The following BICC1 variants were observed in gnomAD, a reference collection of about 807,000 sequenced individuals.
BICC1 encodes BicC family RNA binding protein 1, also known as protein bicaudal C homolog 1.
A neutral mutation model predicts 111.0 loss-of-function variants in BICC1; 43 were observed. The observed-to-expected ratio is 0.39, with a 90% CI of 0.30 to 0.50. The LOEUF is 0.50. Ranked by LOEUF, BICC1 falls within the 20% of genes least tolerant of loss-of-function variation. The pLI is 0.88. For synonymous variants in BICC1, 467 were observed against 434.4 expected, an observed-to-expected ratio of 1.07 and a Z score of -0.93; for missense variants, 1,091 against 1,203.2, an observed-to-expected ratio of 0.91 and a Z score of 1.38.
At chr10:58,548,413 C>T (rs570583440) in intron 1 of BICC1, among the ~76,000 whole-genome samples, 5 of 152,286 alleles carry the variant, frequency 3.3e-5, no homozygotes, top group South Asian at 2.1e-4. Flanking sequence ...TTTCCCATTC[C>T]ATCACTGAGT....
intron 3 of BICC1, among the ~76,000 whole-genome samples, chr10:58,761,620 A>G (rs1842318394): frequency 6.6e-6 from 1 of 152,314 alleles, no homozygotes; most frequent in South Asian, 2.1e-4. Flanking sequence ...GCGTCCCTGA[A>G]GATGTGTTGT....
intron 1 of BICC1, among the ~76,000 whole-genome samples, chr10:58,558,714 GT>G (rs1179507303): frequency 6.6e-6 from 1 of 152,090 alleles, no homozygotes; most frequent in Admixed American, 6.6e-5. Context: ...AGATTGGGCA[GT>G]TTATAAACAA....
At chr10:58,796,037 T>C (rs779184257) in intron 9 of BICC1, among the ~76,000 whole-genome samples, 96 of 152,256 alleles carry the variant, frequency 6.3e-4, no homozygotes, top group Non-Finnish European at 1.2e-3. Flanking sequence ...CTTCACTGAA[T>C]ATGAGTAATG....
chr10:58,644,491 G>A (rs139592438), intron 2 of BICC1, among the ~76,000 whole-genome samples: 1,952 of 152,170 alleles, frequency 0.013, 18 homozygotes, highest in Non-Finnish European at 0.022. Flanking sequence ...AACTCCACCC[G>A]TCCCCGTGCC....
At chr10:58,591,171 G>A (rs1844604618) in intron 1 of BICC1, among the ~76,000 whole-genome samples, 1 of 152,140 alleles carries the variant, frequency 6.6e-6, no homozygotes, top group African/African-American at 2.4e-5. Context: ...ATGCTGTTGA[G>A]TCATAAGAAG....
chr10:58,623,846 TA>T (rs1489667233), intron 2 of BICC1, among the ~76,000 whole-genome samples: 1 of 151,928 alleles, frequency 6.6e-6, no homozygotes, highest in Non-Finnish European at 1.5e-5. Flanking sequence ...GGAGAAAACT[TA>T]GTTATGTAGT....
In BICC1 at chr10:58,620,837, G is replaced by A. The variant is rs777084237; in HGVS notation, c.191-18G>A. 3 of 1,608,248 alleles carry A rather than the reference G, an allele frequency of 1.9e-6. No individual in the cohort carries two copies. In the African/African-American group the frequency reaches 4.0e-5, roughly 22 times the overall value. The stretch of plus-strand genomic sequence containing the variant: ...TACATTGAAAAAGTATTTTAAATGT[G>A]CACATTTTTATTTACAGCTGCTGCT... On this transcript the variant is annotated intron_variant, in intron 1 of 20. Coordinates refer to ENST00000373886, the MANE Select transcript of BICC1 (RefSeq NM_001080512.3).
intron 1 of BICC1, among the ~76,000 whole-genome samples, chr10:58,609,408 A>G (rs760942876): frequency 7.9e-5 from 12 of 152,290 alleles, no homozygotes; most frequent in East Asian, 5.8e-4. Flanking sequence ...AAACTTTTCA[A>G]TCCTCCTTGG....
At chr10:58,737,666 A>G (rs1355882278) in intron 3 of BICC1, among the ~76,000 whole-genome samples, 1 of 152,186 alleles carries the variant, frequency 6.6e-6, no homozygotes, top group Non-Finnish European at 1.5e-5. Flanking sequence ...TCCCTGAGGA[A>G]TCGCCACACT....
chr10:58,821,388 T>G (rs1844247344), intron 20 of BICC1, among the ~76,000 whole-genome samples: 1 of 152,136 alleles, frequency 6.6e-6, no homozygotes, highest in Admixed American at 6.6e-5. Flanking sequence ...AGCAGTTACA[T>G]CCAACTGGTG....
intron 3 of BICC1, among the ~76,000 whole-genome samples, chr10:58,749,355 C>T (rs545119269): frequency 6.6e-5 from 10 of 152,018 alleles, no homozygotes; most frequent in Non-Finnish European, 1.3e-4. Flanking sequence ...CAAAACTATA[C>T]GCATTATTGT....
rs533162141 is a variant in BICC1 at position 58,585,708 on chromosome 10, T to A, written c.191-35147T>A. Among the ~76,000 whole-genome samples the A allele has an allele frequency of 6.6e-5, 10 of 152,278 alleles. No individual in the cohort carries two copies. The South Asian group carries it at 2.1e-3, about 32-fold the overall frequency. On this transcript the variant is annotated intron_variant, in intron 1 of 20. Coordinates refer to ENST00000373886, the MANE Select transcript of BICC1 (RefSeq NM_001080512.3). Reference sequence around the variant, plus strand: ...GTGTGCTTTATGTTTTTTAGTGGAGTAATCAGAAAATGGATTATCTCAGAT... The same window carrying A: ...GTGTGCTTTATGTTTTTTAGTGGAGAAATCAGAAAATGGATTATCTCAGAT...
At chr10:58,519,791 C>T (rs1275705948) in intron 1 of BICC1, among the ~76,000 whole-genome samples, 1 of 152,102 alleles carries the variant, frequency 6.6e-6, no homozygotes, top group Non-Finnish European at 1.5e-5. Context: ...AATCTAGGAC[C>T]ACTGAGTACT....
intron 1 of BICC1, among the ~76,000 whole-genome samples, chr10:58,520,088 T>C (rs1842350903): frequency 6.6e-6 from 1 of 152,164 alleles, no homozygotes; most frequent in African/African-American, 2.4e-5. Flanking sequence ...GACAGTTTGA[T>C]AGAATTATCA....
intron 3 of BICC1, among the ~76,000 whole-genome samples, chr10:58,782,036 T>G (rs976573728): frequency 1.3e-5 from 2 of 152,218 alleles, no homozygotes; most frequent in Non-Finnish European, 2.9e-5. Context: ...CATGCTCATG[T>G]GTCTTTGTGC....
chr10:58,687,843 G>T (rs138099862), intron 2 of BICC1, among the ~76,000 whole-genome samples: 1 of 151,956 alleles, frequency 6.6e-6, no homozygotes, highest in Non-Finnish European at 1.5e-5. Flanking sequence ...CCCCACTCTG[G>T]TCCGTGGGCT....
intron 1 of BICC1, among the ~76,000 whole-genome samples, chr10:58,557,539 A>G (rs1843487398): frequency 6.6e-6 from 1 of 151,618 alleles, no homozygotes; most frequent in African/African-American, 2.4e-5. Flanking sequence ...GTTCTATTCA[A>G]TTTTTTCCAG....
chr10:58,780,027 A>G (rs1375234941), intron 3 of BICC1, among the ~76,000 whole-genome samples: 1 of 152,214 alleles, frequency 6.6e-6, no homozygotes, highest in Non-Finnish European at 1.5e-5. Context: ...TCTCAGAAGA[A>G]GTTGGAGCTG....
chr10:58,793,445 A>T (rs542897209), intron 8 of BICC1, 39 bp from the exon 9 acceptor site: 1 of 1,569,616 alleles, frequency 6.4e-7, no homozygotes, highest in Admixed American at 1.8e-5. Context: ...AAATGATTAA[A>T]TTTTTACCTC....
Sources: gnomAD v4.1 joint callset for allele counts (sites outside exome capture counted in the v4.1 genomes callset) on GRCh38, gnomAD v4.1.1 for gene constraint, MANE v1.5 for transcripts, NCBI Gene and HGNC (gene_info 2026-07-23, HGNC 2026-07-21) for gene names.